Variants in CAMK1D observed in about 807,000 individuals in gnomAD.
CAMK1D encodes the protein calcium/calmodulin dependent protein kinase ID.
In CAMK1D, 9 loss-of-function variants were observed where a neutral mutation model predicts 47.7. The observed-to-expected ratio is 0.19, with a 90% CI of 0.11 to 0.33. The LOEUF is 0.33. Ranked by LOEUF, CAMK1D falls within the 10% of genes least tolerant of loss-of-function variation. CAMK1D has a pLI of 1.00. For synonymous variants in CAMK1D, 184 were observed against 184.9 expected (o/e 0.99, Z 0.04); for missense variants, 291 against 488.7 (o/e 0.60, Z 3.81).
intron 1 of CAMK1D, among the ~76,000 whole-genome samples, chr10:12,537,114 C>T (rs1169211044): frequency 6.6e-6 from 1 of 151,938 alleles, no homozygotes; most frequent in Non-Finnish European, 1.5e-5. Context: ...CTCTGTTGCC[C>T]AGGCTGGAGT....
intron 1 of CAMK1D, among the ~76,000 whole-genome samples, chr10:12,486,440 G>A (rs142118923): frequency 0.012 from 1,879 of 152,236 alleles, 48 homozygotes; most frequent in African/African-American, 0.043. Context: ...CTACAGGCAT[G>A]AGCCACTGCA....
intron 2 of CAMK1D, among the ~76,000 whole-genome samples, chr10:12,558,282 C>T (rs1037779955): frequency 2.6e-5 from 4 of 152,174 alleles, no homozygotes; most frequent in African/African-American, 9.7e-5. Context: ...TTGACCGGCA[C>T]GGTGGCTCAC....
chr10:12,457,578 T>G (rs1833291548), intron 1 of CAMK1D, among the ~76,000 whole-genome samples: 1 of 142,934 alleles, frequency 7.0e-6, no homozygotes, highest in African/African-American at 2.5e-5. Flanking sequence ...GTCAAGAGAT[T>G]GAGATTATCC....
chr10:12,819,018 A>G (rs553714780), intron 8 of CAMK1D, among the ~76,000 whole-genome samples: 74 of 152,334 alleles, frequency 4.9e-4, no homozygotes, highest in African/African-American at 1.7e-3. Flanking sequence ...AATAAAAATG[A>G]CCTCAATAAA....
chr10:12,678,801 G>A (rs115855584), intron 3 of CAMK1D, among the ~76,000 whole-genome samples: 1,713 of 151,712 alleles, frequency 0.011, 38 homozygotes, highest in African/African-American at 0.039. Context: ...TTTTGAGACA[G>A]AGTCTCACAC....
chr10:12,588,283 G>A (rs1265364753), intron 2 of CAMK1D, among the ~76,000 whole-genome samples: 1 of 152,068 alleles, frequency 6.6e-6, no homozygotes, highest in African/African-American at 2.4e-5. Flanking sequence ...AAGATGACGA[G>A]CTTGTTAAGA....
intron 6 of CAMK1D, among the ~76,000 whole-genome samples, chr10:12,808,445 C>T (rs541937056): frequency 1.2e-3 from 186 of 152,270 alleles, no homozygotes; most frequent in African/African-American, 4.2e-3. Flanking sequence ...GGTAGGCCTA[C>T]GTAGGCCAGG....
chr10:12,768,255 T>C (rs1427768333), intron 4 of CAMK1D, among the ~76,000 whole-genome samples: 2 of 152,196 alleles, frequency 1.3e-5, no homozygotes, highest in Non-Finnish European at 2.9e-5. Context: ...TTTTTTATCT[T>C]TGTAGCTATG....
At chr10:12,571,879 C>T (rs1837339347) in intron 2 of CAMK1D, among the ~76,000 whole-genome samples, 1 of 150,194 alleles carries the variant, frequency 6.7e-6, no homozygotes, top group South Asian at 2.1e-4. Context: ...AGGAAAACAA[C>T]AGGTATTCCC....
rs553357693 is a variant in CAMK1D, at chr10:12,433,405, A to AT, written c.92+83506dup. ...TTTTTTTCTCAGGTGGAAGGGTTTG[A>AT]TTTTTTTTTTTAATATTTGTTTATT... On this transcript the variant is annotated intron_variant, in intron 1 of 10. Coordinates refer to ENST00000619168, the MANE Select transcript of CAMK1D (RefSeq NM_153498.4). 2.9e-3 allele frequency among the ~76,000 whole-genome samples: 431 copies of AT among 147,596 alleles called. 3 individuals carry two copies. Among genetic ancestry groups the AT allele is most frequent in the Middle Eastern group, 0.01 (3 of 288 alleles).
Position 12,349,824 on chromosome 10 carries a change from C to T in CAMK1D, c.6C>T (p.Ala2=), listed in dbSNP as rs1588711362. 4 of 1,490,162 alleles carry T rather than the reference C, an allele frequency of 2.7e-6. No individual in the cohort carries two copies. The highest frequency in any genetic ancestry group is 2.7e-6 in the Non-Finnish European group (3 of 1,111,116). The allele number at this position is 1,490,162 out of a possible 1,614,324, so 92.3% of individuals were successfully genotyped here. ...CCGCGCCGCGCTCGTCGGCCATGGC[C>T]CGGGAGAACGGCGAGAGCAGCTCCT... M[A]RENGESSSSW... Residue 2 remains alanine (A), a synonymous_variant, in exon 1 of 11, where the codon GCC becomes GCT. Transcript: ENST00000619168.
In CAMK1D at chr10:12,553,330, A is replaced by G. The variant is rs34194224; in HGVS notation, c.198A>G (p.Ile66Met). 0.012 allele frequency: 19,779 copies of G among 1,613,980 alleles called. 149 individuals are homozygous for G. Among genetic ancestry groups the G allele is most frequent in the Non-Finnish European group, 0.016 (18,300 of 1,179,842 alleles). The change falls in exon 2 of 11, where the codon ATA becomes ATG. Residue 66 changes from isoleucine to methionine, a missense_variant. Transcript: ENST00000619168. ...CGCTGAAGGGCAAGGAAAGCAGCAT[A>G]GAGAATGAGATAGCCGTCCTGAGAA... ...KKALKGKESS[I>M]ENEIAVLRKI...
intron 5 of CAMK1D, among the ~76,000 whole-genome samples, chr10:12,777,469 T>G (rs1184924749): frequency 6.9e-6 from 1 of 144,820 alleles, no homozygotes; most frequent in East Asian, 2.1e-4. Context: ...GCCTCCTGGG[T>G]TCAAGCGATT....
intron 3 of CAMK1D, among the ~76,000 whole-genome samples, 183 bp from the exon 4 acceptor site, chr10:12,760,765 A>AT (rs1836464260): frequency 6.6e-6 from 1 of 152,046 alleles, no homozygotes. Context: ...GGTTCCAGAC[A>AT]TTTGCTCTGC....
chr10:12,579,510 C>T (rs1325226011), intron 2 of CAMK1D, among the ~76,000 whole-genome samples: 1 of 152,126 alleles, frequency 6.6e-6, no homozygotes, highest in Non-Finnish European at 1.5e-5. Flanking sequence ...GTCTGGTGCT[C>T]CAGGCCTTCT....
At chr10:12,607,096 G>A (rs563015732) in intron 2 of CAMK1D, among the ~76,000 whole-genome samples, 1 of 152,268 alleles carries the variant, frequency 6.6e-6, no homozygotes, top group East Asian at 1.9e-4. Flanking sequence ...AAAGTGCTGG[G>A]ATTATAGCAT....
chr10:12,582,938 G>A (rs1031379943), intron 2 of CAMK1D, among the ~76,000 whole-genome samples: 4 of 152,102 alleles, frequency 2.6e-5, no homozygotes, highest in Admixed American at 6.5e-5. Flanking sequence ...AATTTAAATT[G>A]GATAAAAACA....
At chr10:12,663,147 A>T (rs940182254) in intron 2 of CAMK1D, among the ~76,000 whole-genome samples, 2 of 151,506 alleles carry the variant, frequency 1.3e-5, no homozygotes, top group African/African-American at 4.8e-5. Context: ...TTTTAGTAGG[A>T]ATGGGGTTTC....
chr10:12,752,158 A>AT (rs1836019319), intron 3 of CAMK1D, among the ~76,000 whole-genome samples: 1 of 151,856 alleles, frequency 6.6e-6, no homozygotes, highest in Non-Finnish European at 1.5e-5. Flanking sequence ...TAACTTTTGT[A>AT]TTTTTGTAGA....
Sources: allele counts gnomAD v4.1 joint callset (sites outside exome capture counted in the v4.1 genomes callset), GRCh38; gene constraint gnomAD v4.1.1; transcripts MANE v1.5; gene names NCBI Gene and HGNC (gene_info 2026-07-23, HGNC 2026-07-21).